The following MTHFD1L variants were observed in gnomAD, a reference collection of about 807,000 sequenced individuals.
The protein encoded by MTHFD1L is methylenetetrahydrofolate dehydrogenase (NADP+ dependent) 1 like, also known as monofunctional C1-tetrahydrofolate synthase, mitochondrial.
A neutral mutation model predicts 119.5 loss-of-function variants in MTHFD1L; 81 were observed. The observed-to-expected ratio is 0.68, with a 90% CI of 0.57 to 0.82. MTHFD1L has a LOEUF of 0.82. Ranked by LOEUF, MTHFD1L falls within the 40% of genes least tolerant of loss-of-function variation. MTHFD1L has a pLI of 0.00. For missense variants in MTHFD1L, 1,125 were observed against 1,253.4 expected, an observed-to-expected ratio of 0.90 and a Z score of 1.55; for synonymous variants, 430 against 475.2, an observed-to-expected ratio of 0.90 and a Z score of 1.24.
intron 7 of MTHFD1L, among the ~76,000 whole-genome samples, chr6:150,893,503 C>G (rs199685579): frequency 6.6e-6 from 1 of 152,200 alleles, no homozygotes; most frequent in Non-Finnish European, 1.5e-5. Flanking sequence ...ATTATGGCTA[C>G]TAAGTAGAAG....
chr6:150,999,083 C>T (rs1780246091), intron 20 of MTHFD1L, among the ~76,000 whole-genome samples: 1 of 151,542 alleles, frequency 6.6e-6, no homozygotes, highest in Non-Finnish European at 1.5e-5. Context: ...ACAGGGGTCC[C>T]AACCCCAAGA....
At chr6:150,964,850 GC>G in intron 18 of MTHFD1L, 118 bp from the exon 19 acceptor site, 1 of 791,544 alleles carries the variant, frequency 1.3e-6, no homozygotes, top group Non-Finnish European at 2.1e-6. Context: ...GTCCCCTGTG[GC>G]CCAGGGTTGC....
chr6:151,047,740 G>A (rs1268190229), intron 26 of MTHFD1L, among the ~76,000 whole-genome samples: 1 of 152,136 alleles, frequency 6.6e-6, no homozygotes, highest in Non-Finnish European at 1.5e-5. Context: ...CCGTCATCCA[G>A]TTCCCAGACA....
intron 24 of MTHFD1L, among the ~76,000 whole-genome samples, chr6:151,024,786 G>A (rs997524052): frequency 5.3e-5 from 8 of 152,176 alleles, no homozygotes; most frequent in Non-Finnish European, 7.3e-5. Flanking sequence ...CCAAGAACAT[G>A]CCACTACACA....
chr6:151,099,875 A>T lies in MTHFD1L; in HGVS notation c.*32-1651A>T, dbSNP rs995238509. 33 of 1,560,110 alleles carry T rather than the reference A, an allele frequency of 2.1e-5. No individual in the cohort carries two copies. The Admixed American group carries it at 5.5e-4, about 26-fold the overall frequency. ...AAAGCCATCGTGGAAAGAGCTGCCC[A>T]ACTGGCCATCACAGTCACCAACCCC... is the stretch of plus-strand genomic sequence containing the variant. On this transcript the variant is annotated intron_variant, in intron 27 of 27. Transcript: ENST00000367321.
chr6:151,076,231 G>GCCCGTAGT (rs111541613), intron 26 of MTHFD1L, among the ~76,000 whole-genome samples: 1 of 135,602 alleles, frequency 7.4e-6, no homozygotes, highest in Non-Finnish European at 1.6e-5. Context: ...AGTTGTGGTG[G>GCCCGTAGT]CCTAGCTGCT....
intron 15 of MTHFD1L, among the ~76,000 whole-genome samples, 156 bp downstream of exon 15, chr6:150,945,697 G>GA (rs1793816026): frequency 6.6e-6 from 1 of 152,200 alleles, no homozygotes; most frequent in Non-Finnish European, 1.5e-5. Flanking sequence ...GGAGCAGAGA[G>GA]AGCACAGTGT....
chr6:150,993,285 G>C (rs1412571389), intron 20 of MTHFD1L, among the ~76,000 whole-genome samples: 1 of 151,938 alleles, frequency 6.6e-6, no homozygotes, highest in Non-Finnish European at 1.5e-5. Context: ...AAACAAATGA[G>C]CAGAATTTAG....
intron 1 of MTHFD1L, among the ~76,000 whole-genome samples, chr6:150,870,050 A>G (rs944724928): frequency 6.6e-5 from 10 of 152,242 alleles, no homozygotes; most frequent in African/African-American, 2.4e-4. Context: ...GATTACAGGC[A>G]TGAGCCACTG....
intron 19 of MTHFD1L, among the ~76,000 whole-genome samples, chr6:150,971,465 C>T (rs769755217): frequency 7.9e-5 from 12 of 152,178 alleles, no homozygotes; most frequent in African/African-American, 1.2e-4. Flanking sequence ...TCCCAAAGTA[C>T]GGGGATTACA....
chr6:150,882,843 A>G lies in MTHFD1L; in HGVS notation c.499A>G (p.Asn167Asp). The G allele has an allele frequency of 6.3e-7, 1 of 1,580,524 alleles. No homozygotes were observed. The highest frequency in any genetic ancestry group is 8.5e-7 in the Non-Finnish European group (1 of 1,170,226). ...TCAGATCTCTGAGAACTTGTTTAGC[A>G]ACAAAGTCCTCAATGCCTTGAAACC... ...ALQISENLFS[N>D]KVLNALKPEK... Residue 167 changes from asparagine (N) to aspartate (D), a missense_variant, in exon 5 of 28, where the codon AAC (asparagine) becomes GAC (aspartate). This residue lies in a region of MTHFD1L where 1,058 missense variants were observed against 1,151.2 expected (regional missense o/e 0.92). Transcript: ENST00000367321.
intron 26 of MTHFD1L, among the ~76,000 whole-genome samples, chr6:151,043,825 G>T (rs1787525975): frequency 6.6e-6 from 1 of 152,134 alleles, no homozygotes; most frequent in East Asian, 1.9e-4. Context: ...AGATAGCCAG[G>T]CCACCCTCAG....
intron 20 of MTHFD1L, among the ~76,000 whole-genome samples, chr6:151,003,567 C>A (rs572878290): frequency 6.6e-6 from 1 of 152,096 alleles, no homozygotes; most frequent in African/African-American, 2.4e-5. Flanking sequence ...GAAAGACGTT[C>A]TTTTTCACTA....
chr6:150,981,255 C>T (rs529009465), intron 20 of MTHFD1L, among the ~76,000 whole-genome samples: 9 of 152,256 alleles, frequency 5.9e-5, no homozygotes, highest in African/African-American at 1.4e-4. Flanking sequence ...CATTTTGCTG[C>T]GGTACCTGCC....
chr6:150,892,388 G>A (rs531394598), intron 7 of MTHFD1L, among the ~76,000 whole-genome samples: 3 of 152,262 alleles, frequency 2.0e-5, no homozygotes, highest in South Asian at 2.1e-4. Flanking sequence ...CTTTGAGAAC[G>A]ATTAAGTGGC....
chr6:151,073,758 A>T (rs1453492911), intron 26 of MTHFD1L, among the ~76,000 whole-genome samples: 1 of 152,188 alleles, frequency 6.6e-6, no homozygotes, highest in African/African-American at 2.4e-5. Flanking sequence ...ACTTAAAGAC[A>T]TGCAGTAGAA....
At chr6:150,974,909 G>A (rs1185334269) in intron 20 of MTHFD1L, among the ~76,000 whole-genome samples, 2 of 148,482 alleles carry the variant, frequency 1.3e-5, no homozygotes, top group African/African-American at 4.9e-5. Flanking sequence ...GCTAATTTTT[G>A]TATTTTTTAG....
intron 26 of MTHFD1L, among the ~76,000 whole-genome samples, chr6:151,066,795 A>G (rs1791341650): frequency 6.6e-6 from 1 of 151,352 alleles, no homozygotes; most frequent in Non-Finnish European, 1.5e-5. Context: ...CCTTTAGTCT[A>G]CTGTTGGTTC....
At position 150,956,060 on chromosome 6, in the gene MTHFD1L, C is replaced by T. The variant is rs2128988176; in HGVS notation, c.1792C>T (p.His598Tyr). Residue 598 changes from histidine (H) to tyrosine (Y), a missense_variant, in exon 17 of 28, where the codon CAT (histidine) becomes TAT (tyrosine). By Grantham distance (83) the His-to-Tyr change is moderately conservative (BLOSUM62 2). This residue lies in a region of MTHFD1L where 1,058 missense variants were observed against 1,151.2 expected (regional missense o/e 0.92). Transcript: ENST00000367321. Reference protein sequence around the residue: ...TIGQGNTEKGHYRQAQFDIAV... With the variant: ...TIGQGNTEKGYYRQAQFDIAV... ...CGGGCAGGGAAACACAGAGAAGGGC[C>T]ATTACCGGCAGGTAGGTGGTGCTTT... The T allele has an allele frequency of 6.2e-7, 1 of 1,613,868 alleles. No individual in the cohort carries two copies. Among genetic ancestry groups the T allele is most frequent in the Non-Finnish European group, 8.5e-7 (1 of 1,179,776 alleles).
Sources: gnomAD v4.1 joint callset for allele counts (sites outside exome capture counted in the v4.1 genomes callset) on GRCh38, gnomAD v4.1.1 for gene constraint, gnomAD v4.1.1 regional missense constraint, MANE v1.5 for transcripts, NCBI Gene and HGNC (gene_info 2026-07-23, HGNC 2026-07-21) for gene names.